RAD23A: variants seen among roughly 807,000 people sequenced by gnomAD.
RAD23A encodes the protein lysine-specific demethylase RAD23A.
In RAD23A, 16 loss-of-function variants were observed where a neutral mutation model predicts 44.8. The observed-to-expected ratio is 0.36, with a 90% CI of 0.24 to 0.54. The LOEUF (loss-of-function observed/expected upper bound fraction) is 0.54, where lower values mean the gene tolerates loss of function less well. Ranked by LOEUF, RAD23A falls within the 20% of genes least tolerant of loss-of-function variation. The pLI, the probability that RAD23A is intolerant of heterozygous loss-of-function variation, is 0.89. For missense variants in RAD23A, 380 were observed against 483.3 expected (o/e 0.79, Z 2.00); for synonymous variants, 217 against 202.9 (o/e 1.07, Z -0.59).
rs1290837890 is a variant in RAD23A at position 12,949,074 on chromosome 19, C to G, written c.601-7C>G. ...TGTGCATTAGAACTAAACAGGACCC[C>G]TGACAGGGAATTCCTGGGAGCCCCG... On this transcript the variant is annotated splice_region_variant and splice_polypyrimidine_tract_variant and intron_variant, in intron 5 of 8. Transcript: ENST00000586534. 1 of 1,610,186 alleles carries G rather than the reference C, an allele frequency of 6.2e-7. No individual in the cohort carries two copies. Among genetic ancestry groups the G allele is most frequent in the Admixed American group, 1.7e-5 (1 of 59,420 alleles).
At position 12,948,611 on chromosome 19, in the gene RAD23A, T is replaced by A; in HGVS notation, c.472+59T>A. On this transcript the variant is annotated intron_variant, in intron 4 of 8. Coordinates refer to ENST00000586534, the MANE Select transcript of RAD23A (RefSeq NM_005053.4). The surrounding 1 kb of genome is among the most constrained non-coding windows in gnomAD (Gnocchi z 5.5). ...GGTGCCCCAGCCATCAGCTGGGCCT[T>A]GTCTGGGTGCGGGAGGGCCTGGGAG... is the stretch of plus-strand genomic sequence containing the variant. The A allele has an allele frequency of 6.3e-7, 1 of 1,578,010 alleles. No individual in the cohort carries two copies. Among genetic ancestry groups the A allele is most frequent in the Non-Finnish European group, 8.6e-7 (1 of 1,161,670 alleles).
intron 7 of RAD23A, among the ~76,000 whole-genome samples, chr19:12,950,158 C>G (rs938892175): frequency 3.3e-5 from 5 of 152,134 alleles, no homozygotes; most frequent in African/African-American, 1.2e-4. Flanking sequence ...AAAGTGCTCC[C>G]TAGACTAGAC....
Position 12,949,133 on chromosome 19 carries a change from T to G in RAD23A, c.653T>G (p.Val218Gly). ...CACGGTTCTGTCCAGGAGAGCCAGGTATCGGAGCAGCCGGCCACGGAAGCA... is the reference window on the plus strand; with the variant it reads ...CACGGTTCTGTCCAGGAGAGCCAGGGATCGGAGCAGCCGGCCACGGAAGCA... Reference protein sequence around the residue: ...PEHGSVQESQVSEQPATEAAG... With the variant: ...PEHGSVQESQGSEQPATEAAG... Residue 218 changes from valine to glycine, a missense_variant, in exon 6 of 9, where the codon GTA becomes GGA. Val to Gly is a moderately radical substitution (Grantham distance 109). Around this residue, in one of 3 missense-constraint regions of RAD23A, gnomAD observed 279 missense variants for 313.7 expected, o/e 0.89. Transcript: ENST00000586534. 1.2e-6 allele frequency: 2 copies of G among 1,613,848 alleles called. No individual in the cohort carries two copies.
chr19:12,947,084 C>T (rs372419291), intron 1 of RAD23A, among the ~76,000 whole-genome samples: 3 of 152,090 alleles, frequency 2.0e-5, no homozygotes, highest in Admixed American at 6.5e-5. Flanking sequence ...ACCAATTAAA[C>T]GTATTTCATA....
intron 7 of RAD23A, among the ~76,000 whole-genome samples, chr19:12,951,032 C>T (rs546085462): frequency 1.1e-3 from 166 of 152,322 alleles, no homozygotes; most frequent in South Asian, 6.2e-3. Context: ...CCACTGCACT[C>T]CAGCCTGGGT....
chr19:12,948,343 C>T lies in RAD23A; in HGVS notation c.401C>T (p.Pro134Leu), dbSNP rs776223624. The T allele has an allele frequency of 6.3e-7, 1 of 1,593,640 alleles. No homozygotes were observed. Among genetic ancestry groups the T allele is most frequent in the Non-Finnish European group, 8.6e-7 (1 of 1,168,598 alleles). ...PSEESAPTTS[P>L]ESVSGSVPSS... ...GAGGAATCCGCCCCCACGACGTCCC[C>T]AGAGTCTGTGTCAGGGTAAGGCGGG... The change falls in exon 3 of 9, where the codon CCA (proline) becomes CTA (leucine). Residue 134 changes from proline to leucine, a missense_variant. By Grantham distance (98) the Pro-to-Leu change is moderately conservative. Coordinates refer to ENST00000586534, the MANE Select transcript of RAD23A (RefSeq NM_005053.4). This position sits in a 1 kb window ranked among gnomAD's most constrained non-coding sequence, Gnocchi z 5.5.
rs922436091 is a variant in RAD23A at position 12,949,286 on chromosome 19, C to A, written c.691C>A (p.Pro231Thr). ...CTTCCTACTACCAGCAGGAGAGAAC[C>A]CCCTGGAGTTCCTGCGGGACCAGCC... is the stretch of plus-strand genomic sequence containing the variant. ...QPATEAAGEN[P>T]LEFLRDQPQF... The change falls in exon 7 of 9, where the codon CCC becomes ACC. Residue 231 changes from proline to threonine, a missense_variant. Around this residue, in one of 3 missense-constraint regions of RAD23A, gnomAD observed 279 missense variants for 313.7 expected, o/e 0.89. Transcript: ENST00000586534. The A allele has an allele frequency of 6.2e-7, 1 of 1,614,152 alleles. No homozygotes were observed. Among genetic ancestry groups the A allele is most frequent in the South Asian group, 1.1e-5 (1 of 91,084 alleles).
rs760724887 is a variant in RAD23A at position 12,949,451 on chromosome 19, C to T, written c.813+43C>T. The T allele has an allele frequency of 1.2e-4, 188 of 1,597,654 alleles. 1 individual carries two copies. The highest frequency in any genetic ancestry group is 1.5e-4 in the Non-Finnish European group (181 of 1,167,752). Reference sequence around the variant, plus strand: ...GAGGGAGCTAGGGCAGCCACCATTTCCCTTCCCTGTGGGCACCAGAGTCCA... The same window carrying T: ...GAGGGAGCTAGGGCAGCCACCATTTTCCTTCCCTGTGGGCACCAGAGTCCA... On this transcript the variant is annotated intron_variant, in intron 7 of 8. Coordinates refer to ENST00000586534, the MANE Select transcript of RAD23A (RefSeq NM_005053.4).
At chr19:12,949,666 C>A in intron 7 of RAD23A, 1 of 538,476 alleles carries the variant, frequency 1.9e-6, no homozygotes, top group South Asian at 2.4e-5. Context: ...GCCTGTCATT[C>A]CCAGGGTCAC....
Position 12,948,929 on chromosome 19 carries a change from T to C in RAD23A, c.600+116T>C, listed in dbSNP as rs1599668120. The C allele has an allele frequency of 6.5e-7, 1 of 1,543,578 alleles. No individual in the cohort carries two copies. ...CTGAAAAGCCTTTGGGTAGTGATTC[T>C]AGCCACTAAAGGCTTCCCACAGGAG... On this transcript the variant is annotated intron_variant, in intron 5 of 8. Coordinates refer to ENST00000586534, the MANE Select transcript of RAD23A (RefSeq NM_005053.4). This position sits in a 1 kb window ranked among gnomAD's most constrained non-coding sequence, Gnocchi z 5.5.
intron 7 of RAD23A, 38 bp downstream of exon 7, chr19:12,949,446 C>A (rs748346916): frequency 6.3e-7 from 1 of 1,599,146 alleles, no homozygotes; most frequent in South Asian, 1.1e-5. Context: ...GGGCAGCCAC[C>A]ATTTCCCTTC....
chr19:12,952,867 C>G lies in RAD23A; in HGVS notation c.978+14C>G. The stretch of plus-strand genomic sequence containing the variant: ...GCTATAGAGAGGGTAAGAGGCCTGG[C>G]TGAGGGGTGACTGCAGGTGGGCAGG... On this transcript the variant is annotated intron_variant, in intron 8 of 8. Coordinates refer to ENST00000586534, the MANE Select transcript of RAD23A (RefSeq NM_005053.4). 6.2e-7 allele frequency: 1 copy of G among 1,603,134 alleles called. No individual in the cohort carries two copies. The highest frequency in any genetic ancestry group is 8.5e-7 in the Non-Finnish European group (1 of 1,173,286).
intron 5 of RAD23A, 42 bp from the exon 6 acceptor site, chr19:12,949,039 G>A: frequency 6.3e-7 from 1 of 1,588,616 alleles, no homozygotes; most frequent in Non-Finnish European, 8.6e-7. Context: ...GAGGGTGGCA[G>A]CAGGAGGTCT....
Position 12,952,986 on chromosome 19 carries a change from G to A in RAD23A, c.1029G>A (p.Ala343=), listed in dbSNP as rs374205508. Residue 343 remains alanine, a synonymous_variant, in exon 9 of 9, where the codon GCG becomes GCA. Transcript: ENST00000586534. ...GCCTGGTCATCCAGGCCTATTTCGCGTGTGAAAAAAATGAGAACTTGGCTG... is the reference window on the plus strand; with the variant it reads ...GCCTGGTCATCCAGGCCTATTTCGCATGTGAAAAAAATGAGAACTTGGCTG... ...PESLVIQAYF[A]CEKNENLAAN... The A allele has an allele frequency of 1.7e-5, 27 of 1,613,834 alleles. No individual in the cohort carries two copies. The highest frequency in any genetic ancestry group is 4.5e-5 in the East Asian group (2 of 44,890).
intron 1 of RAD23A, 53 bp downstream of exon 1, chr19:12,946,073 G>GTT: frequency 7.7e-7 from 1 of 1,294,504 alleles, no homozygotes. Context: ...CGGGGGTGGG[G>GTT]TGGGGGCGGG....
At chr19:12,949,712 G>C (rs575991764) in intron 7 of RAD23A, 1 of 461,298 alleles carries the variant, frequency 2.2e-6, no homozygotes, top group South Asian at 2.8e-5. Context: ...TCCTGCCTCG[G>C]GGTGGGGTCC....
chr19:12,949,512 G>C, intron 7 of RAD23A, 104 bp downstream of exon 7: 1 of 1,480,516 alleles, frequency 6.8e-7, no homozygotes, highest in East Asian at 2.3e-5. Context: ...CGGAAAGCAG[G>C]ACTAAGCACA....
At chr19:12,951,550 G>C (rs1469025092) in intron 7 of RAD23A, among the ~76,000 whole-genome samples, 3 of 152,058 alleles carry the variant, frequency 2.0e-5, no homozygotes, top group Non-Finnish European at 4.4e-5. Context: ...GGGTTCAAGA[G>C]ATTCTCCTGC....
At chr19:12,950,806 C>T (rs192070368) in intron 7 of RAD23A, among the ~76,000 whole-genome samples, 86 of 152,316 alleles carry the variant, frequency 5.6e-4, no homozygotes, top group Non-Finnish European at 6.8e-4. Context: ...TGGCTCATGC[C>T]TGTAATCCCA....
Sources: allele counts gnomAD v4.1 joint callset (sites outside exome capture counted in the v4.1 genomes callset), GRCh38; gene constraint gnomAD v4.1.1; regional missense constraint gnomAD v4.1.1; non-coding constraint Gnocchi (gnomAD v3.1); transcripts MANE v1.5; gene names NCBI Gene and HGNC (gene_info 2026-07-23, HGNC 2026-07-21).